The following LHX9 variants were observed in gnomAD, a reference collection of about 807,000 sequenced individuals.
LHX9 encodes LIM/homeobox protein Lhx9.
Under a neutral mutation model 36.5 loss-of-function variants are expected in LHX9, and 9 were observed. The observed-to-expected ratio is 0.25, with a 90% CI of 0.15 to 0.43. The LOEUF (loss-of-function observed/expected upper bound fraction) is 0.43, where lower values mean the gene tolerates loss of function less well. Among genes scored for constraint, LHX9 ranks in the 20% least tolerant of loss-of-function variants. LHX9 has a pLI of 1.00. For missense variants in LHX9, 464 were observed against 526.4 expected (o/e 0.88, Z 1.16); for synonymous variants, 211 against 212.1 (o/e 0.99, Z 0.04).
Position 197,935,430 on chromosome 1 carries a change from T to C in LHX9, c.*6171T>C, listed in dbSNP as rs1231306268. 1.3e-5 allele frequency: 2 copies of C among 152,186 alleles called. No homozygotes were observed. The highest frequency in any genetic ancestry group is 4.8e-5 in the African/African-American group (2 of 41,450). 9.4% of individuals were successfully genotyped at this position (152,186 alleles called of 1,614,324 possible). A position where few individuals can be genotyped will look rare whatever the true frequency, so the allele number is the denominator to read the frequency against. ...TCTTATAAATTAACCTGAAGAGTAA[T>C]TGGATACCTTTTATGGTTATTTGAA... On this transcript the variant is annotated 3_prime_UTR_variant, in exon 5 of 5. Coordinates refer to ENST00000367387, the MANE Select transcript of LHX9 (RefSeq NM_020204.3).
Position 197,921,223 on chromosome 1 carries a change from C to A in LHX9, c.378-81C>A. 8.2e-7 allele frequency: 1 copy of A among 1,222,364 alleles called. No individual in the cohort carries two copies. The highest frequency in any genetic ancestry group is 1.2e-6 in the Non-Finnish European group (1 of 866,856). 75.7% of individuals were successfully genotyped at this position (1,222,364 alleles called of 1,614,324 possible). A position where few individuals can be genotyped will look rare whatever the true frequency, so the allele number is the denominator to read the frequency against. On this transcript the variant is annotated intron_variant, in intron 2 of 4. Transcript: ENST00000367387. The surrounding 1 kb of genome is among the most constrained non-coding windows in gnomAD (Gnocchi z 4.6). ...CCCAGGTCCCAGTCTCAGGCCACTGCAGACCAAACCCAGGTGTCGCGGGTG... is the reference window on the plus strand; with the variant it reads ...CCCAGGTCCCAGTCTCAGGCCACTGAAGACCAAACCCAGGTGTCGCGGGTG...
Position 197,921,747 on chromosome 1 carries a change from A to G in LHX9, c.733+88A>G. On this transcript the variant is annotated intron_variant, in intron 3 of 4. Transcript: ENST00000367387. The surrounding 1 kb of genome is among the most constrained non-coding windows in gnomAD (Gnocchi z 4.6). The stretch of plus-strand genomic sequence containing the variant: ...CCTTCCCCGTCCAAAGTCTTGCTGC[A>G]AGAGTGTGTTTTGCCCAATGCCTCT... 1 of 1,159,422 alleles carries G rather than the reference A, an allele frequency of 8.6e-7. No homozygotes were observed. The highest frequency in any genetic ancestry group is 1.2e-6 in the Non-Finnish European group (1 of 840,358). 71.8% of individuals were successfully genotyped at this position (1,159,422 alleles called of 1,614,324 possible).
At position 197,921,665 on chromosome 1, in the gene LHX9, C is replaced by T. The variant is rs757548886; in HGVS notation, c.733+6C>T. On this transcript the variant is annotated splice_donor_region_variant and intron_variant, in intron 3 of 4. Coordinates refer to ENST00000367387, the MANE Select transcript of LHX9 (RefSeq NM_020204.3). This position sits in a 1 kb window ranked among gnomAD's most constrained non-coding sequence, Gnocchi z 4.6. The stretch of plus-strand genomic sequence containing the variant: ...CATCGTCAATTACAACTCAGGTGTG[C>T]CTCCTATCCTCACCCCCGGCGCAGC... 17 of 1,560,436 alleles carry T rather than the reference C, an allele frequency of 1.1e-5. No individual in the cohort carries two copies. The African/African-American group carries it at 2.0e-4, about 19-fold the overall frequency.
rs1480888066 is a variant in LHX9, at chr1:197,934,730, G to T, written c.*5471G>T. 1 of 151,976 alleles carries T rather than the reference G, an allele frequency of 6.6e-6. No individual in the cohort carries two copies. The highest frequency in any genetic ancestry group is 1.5e-5 in the Non-Finnish European group (1 of 67,976). 9.4% of individuals were successfully genotyped at this position (151,976 alleles called of 1,614,324 possible). A position where few individuals can be genotyped will look rare whatever the true frequency, so the allele number is the denominator to read the frequency against. The stretch of plus-strand genomic sequence containing the variant: ...CTCTTGATATTAAAATAAATAAAAT[G>T]CCTCTAATGTAAAGCCACAGCCCTG... On this transcript the variant is annotated 3_prime_UTR_variant, in exon 5 of 5. Coordinates refer to ENST00000367387, the MANE Select transcript of LHX9 (RefSeq NM_020204.3).
At chr1:197,917,317 C>CA (rs1353843664), upstream of LHX9, 3 of 1,250,770 alleles carry the variant, frequency 2.4e-6, no homozygotes, top group East Asian at 1.7e-4. Flanking sequence ...ACTAAATTAT[C>CA]AAAAATGGGC....
In LHX9 at chr1:197,931,838, T is replaced by G. The variant is rs1442668378; in HGVS notation, c.*2579T>G. 1 of 954,116 alleles carries G rather than the reference T, an allele frequency of 1.0e-6. No individual in the cohort carries two copies. The highest frequency in any genetic ancestry group is 1.6e-5 in the African/African-American group (1 of 61,074). 59.1% of individuals were successfully genotyped at this position (954,116 alleles called of 1,614,324 possible). A position where few individuals can be genotyped will look rare whatever the true frequency, so the allele number is the denominator to read the frequency against. Reference sequence around the variant, plus strand: ...GGTCTATTGAGCACAAATGGATATTTGTAAATCTAAATAGAAATTGCAGAC... The same window carrying G: ...GGTCTATTGAGCACAAATGGATATTGGTAAATCTAAATAGAAATTGCAGAC... On this transcript the variant is annotated 3_prime_UTR_variant, in exon 5 of 5. Coordinates refer to ENST00000367387, the MANE Select transcript of LHX9 (RefSeq NM_020204.3).
intron 1 of LHX9, chr1:197,918,401 C>T (rs976363581): frequency 2.8e-6 from 2 of 716,964 alleles, no homozygotes; most frequent in Non-Finnish European, 5.2e-6. Flanking sequence ...GCGTCCGAGC[C>T]AAGCAGGAGC....
chr1:197,922,718 C>T (rs1231353830), intron 3 of LHX9, among the ~76,000 whole-genome samples: 2 of 152,210 alleles, frequency 1.3e-5, no homozygotes, highest in Non-Finnish European at 2.9e-5. Flanking sequence ...AGAATCTCAG[C>T]AGACTCAGGA....
Position 197,918,088 on chromosome 1 carries a change from G to A in LHX9, c.174+91G>A. 5.5e-6 allele frequency: 8 copies of A among 1,449,458 alleles called. No individual in the cohort carries two copies. The Admixed American group carries it at 6.8e-5, about 12-fold the overall frequency. 89.8% of individuals were successfully genotyped at this position (1,449,458 alleles called of 1,614,324 possible). ...TCCCTGGCCGGTGGAGAACCGGAGC[G>A]GCGGGTCGTAGAGACGTCCGCTTGA... On this transcript the variant is annotated intron_variant, in intron 1 of 4. Transcript: ENST00000367387.
chr1:197,914,458 A>C (rs1659694538), upstream of LHX9, among the ~76,000 whole-genome samples: 3 of 152,006 alleles, frequency 2.0e-5, no homozygotes, highest in South Asian at 6.2e-4. Flanking sequence ...GAGGTGAAAG[A>C]AAGCAGAGGT....
intron 3 of LHX9, among the ~76,000 whole-genome samples, chr1:197,923,495 CAGAGAG>C (rs148599324): frequency 4.7e-5 from 7 of 147,666 alleles, no homozygotes; most frequent in Non-Finnish European, 7.5e-5. Flanking sequence ...CCCTAATTCC[CAGAGAG>C]AGAGAGAGAG....
rs909780028 is a variant in LHX9 at position 197,921,711 on chromosome 1, T to A, written c.733+52T>A. 4.6e-5 allele frequency: 65 copies of A among 1,411,128 alleles called. 1 individual carries two copies. The highest frequency in any genetic ancestry group is 6.2e-5 in the Non-Finnish European group (65 of 1,053,944). The allele number at this position is 1,411,128 out of a possible 1,614,324, so 87.4% of individuals were successfully genotyped here. On this transcript the variant is annotated intron_variant, in intron 3 of 4. Coordinates refer to ENST00000367387, the MANE Select transcript of LHX9 (RefSeq NM_020204.3). The surrounding 1 kb of genome is among the most constrained non-coding windows in gnomAD (Gnocchi z 4.6). ...GCAGCCCCGGCCTCCCTGAGGAAAATTCGTAGAGCTCCTTCCCCGTCCAAA... is the reference window on the plus strand; with the variant it reads ...GCAGCCCCGGCCTCCCTGAGGAAAAATCGTAGAGCTCCTTCCCCGTCCAAA...
upstream of LHX9, chr1:197,916,604 G>A: frequency 1.4e-6 from 1 of 701,618 alleles, no homozygotes; most frequent in East Asian, 2.7e-5. Flanking sequence ...GTACCCGTGT[G>A]TACAGGTCCA....
At chr1:197,914,401 AT>A (rs11390778), upstream of LHX9, among the ~76,000 whole-genome samples, 44 of 148,684 alleles carry the variant, frequency 3.0e-4, no homozygotes, top group African/African-American at 1.1e-3. Context: ...AAGGGGGAAC[AT>A]TTTTTTTTTT....
chr1:197,914,477 G>A (rs1404439313), upstream of LHX9, among the ~76,000 whole-genome samples: 1 of 151,986 alleles, frequency 6.6e-6, no homozygotes, highest in East Asian at 1.9e-4. Flanking sequence ...GTACAAAGAT[G>A]CTTTCCTTAT....
chr1:197,912,732 C>T, upstream of LHX9: 1 of 737,212 alleles, frequency 1.4e-6, no homozygotes. Flanking sequence ...CATTCTCTTT[C>T]AGAGTCTCCT....
chr1:197,932,740 C>G lies in LHX9; in HGVS notation c.*3481C>G, dbSNP rs1225320455. 6.6e-6 allele frequency: 1 copy of G among 151,982 alleles called. No individual in the cohort carries two copies. The highest frequency in any genetic ancestry group is 2.4e-5 in the African/African-American group (1 of 41,426). The allele number at this position is 151,982 out of a possible 1,614,324, so 9.4% of individuals were successfully genotyped here. A position where few individuals can be genotyped will look rare whatever the true frequency, so the allele number is the denominator to read the frequency against. The stretch of plus-strand genomic sequence containing the variant: ...TGGTAATCTAGGATAAAATTACTTA[C>G]TTGGTTTTTACCTTTTCATGACTTA... On this transcript the variant is annotated 3_prime_UTR_variant, in exon 5 of 5. Transcript: ENST00000367387.
chr1:197,928,893 C>T, intron 4 of LHX9, 109 bp from the exon 5 acceptor site: 1 of 1,020,566 alleles, frequency 9.8e-7, no homozygotes, highest in Non-Finnish European at 1.3e-6. Context: ...AAACCTATAT[C>T]AAAAAAAAAA....
rs2102602890 is a variant in LHX9, at chr1:197,928,948, A to G, written c.937-54A>G. 2.1e-6 allele frequency: 3 copies of G among 1,447,564 alleles called. No individual in the cohort carries two copies. The South Asian group carries it at 4.8e-5, about 23-fold the overall frequency. The allele number at this position is 1,447,564 out of a possible 1,614,324, so 89.7% of individuals were successfully genotyped here. A position where few individuals can be genotyped will look rare whatever the true frequency, so the allele number is the denominator to read the frequency against. On this transcript the variant is annotated intron_variant, in intron 4 of 4. Transcript: ENST00000367387. ...AAAAAGAAAAAGTGAGAGAGAAAGA[A>G]AAGAAATATAAAAATGAACATCGGT...
Sources: gnomAD v4.1 joint callset for allele counts (sites outside exome capture counted in the v4.1 genomes callset) on GRCh38, gnomAD v4.1.1 for gene constraint, Gnocchi (gnomAD v3.1) non-coding constraint, MANE v1.5 for transcripts, NCBI Gene and HGNC (gene_info 2026-07-23, HGNC 2026-07-21) for gene names.